The following DGKH variants were observed in gnomAD, a reference collection of about 807,000 sequenced individuals.
DGKH encodes DAG kinase eta.
DGKH carries 90 observed loss-of-function variants against 159.3 expected under a neutral mutation model. The ratio of observed to expected loss-of-function variants is 0.57; its 90% CI spans 0.48 to 0.67. The LOEUF is 0.67. Ranked by LOEUF, DGKH falls within the 30% of genes least tolerant of loss-of-function variation. The probability of loss-of-function intolerance (pLI) is 0.00; values close to 1 mark genes in which losing one functional copy is unlikely to be tolerated. For synonymous variants in DGKH, 536 were observed against 553.8 expected, an observed-to-expected ratio of 0.97 and a Z score of 0.45; for missense variants, 1,181 against 1,506.1, an observed-to-expected ratio of 0.78 and a Z score of 3.57.
chr13:42,056,638 T>C (rs1881780767), intron 1 of DGKH, among the ~76,000 whole-genome samples: 1 of 152,200 alleles, frequency 6.6e-6, no homozygotes, highest in Non-Finnish European at 1.5e-5. Context: ...CAGTTCCTTC[T>C]GATGATTGTA....
At chr13:42,135,225 A>G (rs191531128) in intron 3 of DGKH, among the ~76,000 whole-genome samples, 34 of 151,304 alleles carry the variant, frequency 2.2e-4, no homozygotes, top group Non-Finnish European at 3.8e-4. Context: ...CAAGCCAGGC[A>G]TGGTGGCTCA....
chr13:42,175,598 G>A (rs1031457720), intron 12 of DGKH, among the ~76,000 whole-genome samples: 9 of 151,946 alleles, frequency 5.9e-5, no homozygotes, highest in Non-Finnish European at 8.8e-5. Context: ...CTTTTATCAC[G>A]TGTATAATCA....
intron 1 of DGKH, among the ~76,000 whole-genome samples, chr13:42,110,136 T>C (rs1954834378): frequency 6.6e-6 from 1 of 152,192 alleles, no homozygotes; most frequent in Admixed American, 6.5e-5. Flanking sequence ...AGCAGATCTT[T>C]TGCGTGAAAT....
intron 3 of DGKH, among the ~76,000 whole-genome samples, chr13:42,139,621 T>C (rs1045412277): frequency 1.3e-5 from 2 of 152,192 alleles, no homozygotes; most frequent in Admixed American, 1.3e-4. Context: ...TCCTAGTCTG[T>C]TGCACAGCAG....
At position 42,153,352 on chromosome 13, in the gene DGKH, A is replaced by G. The variant is rs79552765; in HGVS notation, c.385-1939A>G. ...AAAGGCACTAAAGACAGTTAAAACCATTAGTCATCATGCTTTACTTAGAAT... is the reference window on the plus strand; with the variant it reads ...AAAGGCACTAAAGACAGTTAAAACCGTTAGTCATCATGCTTTACTTAGAAT... On this transcript the variant is annotated intron_variant, in intron 3 of 29. Coordinates refer to ENST00000337343, the MANE Select transcript of DGKH (RefSeq NM_178009.5). Among the ~76,000 whole-genome samples, 47 of 152,364 alleles carry G rather than the reference A, an allele frequency of 3.1e-4. No individual in the cohort carries two copies. The East Asian group carries it at 7.3e-3, about 24-fold the overall frequency.
chr13:42,197,120 C>T (rs1029793462), intron 17 of DGKH, among the ~76,000 whole-genome samples: 3 of 151,744 alleles, frequency 2.0e-5, no homozygotes, highest in Admixed American at 6.6e-5. Flanking sequence ...CATGCTGGCT[C>T]ACCCCTTTAA....
chr13:42,097,011 C>T (rs1161837357), intron 1 of DGKH, among the ~76,000 whole-genome samples: 1 of 152,188 alleles, frequency 6.6e-6, no homozygotes, highest in African/African-American at 2.4e-5. Context: ...GAGTTCTAGC[C>T]TCCAGAACTG....
chr13:42,243,341 C>T (rs1308398005), downstream of DGKH, among the ~76,000 whole-genome samples: 1 of 152,140 alleles, frequency 6.6e-6, no homozygotes, highest in Non-Finnish European at 1.5e-5. Flanking sequence ...TTCATTTCTT[C>T]TTATTGCTGA....
chr13:42,079,860 T>C (rs1954167817), intron 1 of DGKH, among the ~76,000 whole-genome samples: 2 of 152,250 alleles, frequency 1.3e-5, no homozygotes, highest in Non-Finnish European at 2.9e-5. Context: ...CATTGTTAAG[T>C]AGTACTTCCA....
At chr13:42,060,271 T>C (rs999303387) in intron 1 of DGKH, among the ~76,000 whole-genome samples, 2 of 152,234 alleles carry the variant, frequency 1.3e-5, no homozygotes, top group African/African-American at 4.8e-5. Context: ...TTCCTTTATC[T>C]ATTGTCAAAT....
At chr13:42,045,453 C>T (rs557580130), upstream of DGKH, among the ~76,000 whole-genome samples, 11 of 152,286 alleles carry the variant, frequency 7.2e-5, no homozygotes, top group South Asian at 2.3e-3. Flanking sequence ...AGGTTATAAA[C>T]ATCTTTGCAT....
At chr13:42,116,599 C>T (rs1180180) in intron 1 of DGKH, among the ~76,000 whole-genome samples, 35,861 of 152,040 alleles carry the variant, frequency 0.24, 4,803 homozygotes, top group African/African-American at 0.36. Flanking sequence ...CAGGCAGTGC[C>T]TGATTTTTCA....
intron 1 of DGKH, among the ~76,000 whole-genome samples, chr13:42,122,835 A>C (rs1955102859): frequency 6.6e-6 from 1 of 152,184 alleles, no homozygotes; most frequent in African/African-American, 2.4e-5. Flanking sequence ...ATATAGATGA[A>C]TAGGAGGAAA....
chr13:42,213,292 T>C (rs1247189575), intron 24 of DGKH, among the ~76,000 whole-genome samples: 1 of 152,194 alleles, frequency 6.6e-6, no homozygotes, highest in African/African-American at 2.4e-5. Flanking sequence ...TTGACCTTAA[T>C]GTTCTAATGA....
chr13:42,144,558 G>A (rs772009115), intron 3 of DGKH, among the ~76,000 whole-genome samples: 19 of 152,064 alleles, frequency 1.2e-4, no homozygotes, highest in African/African-American at 3.9e-4. Flanking sequence ...ATGGTGGCGC[G>A]TGCCTGTAAT....
chr13:42,040,388 C>T (rs1035157144), intron 1 of DGKH, among the ~76,000 whole-genome samples: 6 of 151,960 alleles, frequency 3.9e-5, no homozygotes, highest in Non-Finnish European at 8.8e-5. Flanking sequence ...CCGCTCCTTT[C>T]CGCGCGGCCG....
chr13:42,070,988 A>G, intron 1 of DGKH: 1 of 1,326,452 alleles, frequency 7.5e-7, no homozygotes, highest in South Asian at 1.2e-5. Flanking sequence ...TCTACAGCAG[A>G]AAAAAACAAG....
intron 7 of DGKH, among the ~76,000 whole-genome samples, chr13:42,160,347 C>T (rs1385347493): frequency 1.3e-5 from 2 of 152,170 alleles, no homozygotes; most frequent in South Asian, 2.1e-4. Context: ...CTTGTTCATC[C>T]GTGTCCTGTG....
rs946779467 is a variant in DGKH, at chr13:42,083,631, A to G, written c.192+34666A>G. Among the ~76,000 whole-genome samples, 9 of 152,180 alleles carry G rather than the reference A, an allele frequency of 5.9e-5. No homozygotes were observed. The South Asian group carries it at 1.2e-3, about 21-fold the overall frequency. On this transcript the variant is annotated intron_variant, in intron 1 of 29. Transcript: ENST00000337343. ...CGGGCTGAACTGGGCTTCGGGTTGG[A>G]CTGGGCTTCTGTGGCTTCCCTGAGC...
Sources: allele counts gnomAD v4.1 joint callset (sites outside exome capture counted in the v4.1 genomes callset), GRCh38; gene constraint gnomAD v4.1.1; transcripts MANE v1.5; gene names NCBI Gene and HGNC (gene_info 2026-07-23, HGNC 2026-07-21).